The following ALG11 variants were observed in gnomAD, a reference collection of about 807,000 sequenced individuals.
ALG11 encodes the protein ALG11 alpha-1,2-mannosyltransferase.
ALG11 carries 26 observed loss-of-function variants against 38.8 expected under a neutral mutation model. The ratio of observed to expected loss-of-function variants is 0.67; its 90% CI spans 0.49 to 0.93. The LOEUF (loss-of-function observed/expected upper bound fraction) is 0.93, where lower values mean the gene tolerates loss of function less well. ALG11 is among the 40% of genes least tolerant of loss of function. The pLI, the probability that ALG11 is intolerant of heterozygous loss-of-function variation, is 0.00. For synonymous variants in ALG11, 199 were observed against 211.6 expected (o/e 0.94, Z 0.52); for missense variants, 535 against 578.8 (o/e 0.92, Z 0.78).
rs1260468124 is a variant in ALG11, at chr13:52,029,486, A to G, written c.*896A>G. 1 of 1,614,100 alleles carries G rather than the reference A, an allele frequency of 6.2e-7. No individual in the cohort carries two copies. The highest frequency in any genetic ancestry group is 2.2e-5 in the East Asian group (1 of 44,878). ...AAAGATGCACCGAGCAGAGCTTCAG[A>G]GGGCTCGGGCTCTGCAGTCCTACTA... On this transcript the variant is annotated 3_prime_UTR_variant, in exon 4 of 4. Transcript: ENST00000521508.
rs1443484104 is a variant in ALG11, at chr13:52,019,018, A to G, written c.150A>G (p.Lys50=). Residue 50 remains lysine (K), a synonymous_variant, in exon 2 of 4, where the codon AAA becomes AAG. Transcript: ENST00000521508. ...WGIRLLLQRK[K]KLVSTSKNGK... is the part of the protein sequence containing the mutation. Reference sequence around the variant, plus strand: ...TCAGACTGCTGCTACAGAGAAAGAAAAAATTAGTGTCAACTAGCAAAAATG... The same window carrying G: ...TCAGACTGCTGCTACAGAGAAAGAAGAAATTAGTGTCAACTAGCAAAAATG... 1.2e-6 allele frequency: 2 copies of G among 1,613,944 alleles called. No individual in the cohort carries two copies. The highest frequency in any genetic ancestry group is 1.7e-6 in the Non-Finnish European group (2 of 1,180,006).
At position 52,029,318 on chromosome 13, in the gene ALG11, C is replaced by T. The variant is rs1401193223; in HGVS notation, c.*728C>T. On this transcript the variant is annotated 3_prime_UTR_variant, in exon 4 of 4. Coordinates refer to ENST00000521508, the MANE Select transcript of ALG11 (RefSeq NM_001004127.3). ...GCAGCCAGCCATTGCTCCCATTGAA[C>T]ATGCGCTCAGTGGCTGGAAGGCAAG... 5 of 1,614,048 alleles carry T rather than the reference C, an allele frequency of 3.1e-6. No individual in the cohort carries two copies. Among genetic ancestry groups the T allele is most frequent in the Non-Finnish European group, 3.4e-6 (4 of 1,180,036 alleles).
At position 52,028,458 on chromosome 13, in the gene ALG11, C is replaced by T. The variant is rs758597975; in HGVS notation, c.1347C>T (p.Ile449=). 11 of 1,614,036 alleles carry T rather than the reference C, an allele frequency of 6.8e-6. No homozygotes were observed. The highest frequency in any genetic ancestry group is 3.3e-5 in the South Asian group (3 of 91,080). ...GTGAAGAAGACTATGCTGAAACTAT[C>T]GCTCACATTCTTTCCATGTCTGCAG... The part of the protein sequence containing the change: ...AESEEDYAET[I]AHILSMSAEK... The change falls in exon 4 of 4, where the codon ATC becomes ATT. Residue 449 remains isoleucine, a synonymous_variant. Coordinates refer to ENST00000521508, the MANE Select transcript of ALG11 (RefSeq NM_001004127.3).
intron 1 of ALG11, among the ~76,000 whole-genome samples, chr13:52,014,463 G>A (rs1037748268): frequency 2.0e-5 from 3 of 151,886 alleles, no homozygotes; most frequent in Non-Finnish European, 2.9e-5. Context: ...TAAACCACTG[G>A]TTCTCAACCA....
chr13:52,028,999 G>A lies in ALG11; in HGVS notation c.*409G>A. Reference sequence around the variant, plus strand: ...GGCGGAAATTGGCTGAGAGGTCTGAGGCTAGTCTGAAAGTGTCAGAGTTCA... The same window carrying A: ...GGCGGAAATTGGCTGAGAGGTCTGAAGCTAGTCTGAAAGTGTCAGAGTTCA... On this transcript the variant is annotated 3_prime_UTR_variant, in exon 4 of 4. Transcript: ENST00000521508. 1.2e-6 allele frequency: 2 copies of A among 1,614,264 alleles called. No homozygotes were observed. Among genetic ancestry groups the A allele is most frequent in the Non-Finnish European group, 1.7e-6 (2 of 1,180,048 alleles).
At chr13:52,023,924 A>T in intron 2 of ALG11, 82 bp from the exon 3 acceptor site, 3 of 1,263,868 alleles carry the variant, frequency 2.4e-6, no homozygotes, top group Non-Finnish European at 3.4e-6. Context: ...CCTCCTGAGT[A>T]GCTGGGATTA....
At chr13:52,026,162 C>T (rs1954238612) in intron 3 of ALG11, among the ~76,000 whole-genome samples, 1 of 152,192 alleles carries the variant, frequency 6.6e-6, no homozygotes, top group African/African-American at 2.4e-5. Context: ...AAACCTAACA[C>T]AGACTTGTGC....
chr13:52,019,277 A>C, intron 2 of ALG11, 134 bp downstream of exon 2: 1 of 793,514 alleles, frequency 1.3e-6, no homozygotes, highest in Non-Finnish European at 1.9e-6. Context: ...GCTGGAGTGC[A>C]GTGGCACGAT....
intron 3 of ALG11, 72 bp downstream of exon 3, chr13:52,025,009 A>G (rs1954227477): frequency 6.8e-7 from 1 of 1,476,712 alleles, no homozygotes; most frequent in Admixed American, 1.7e-5. Context: ...ATAAAATGAT[A>G]ATACTCTGGA....
intron 1 of ALG11, chr13:52,016,549 T>C (rs1282094338): frequency 6.6e-6 from 1 of 152,200 alleles, no homozygotes; most frequent in African/African-American, 2.4e-5. Context: ...GTACCCTGTG[T>C]CCCAGCTGCT....
chr13:52,032,846 C>G lies in ALG11; in HGVS notation c.*4256C>G, dbSNP rs566375880. ...TTAAATCTAAAGAATTTAGTAGATTCCTTCAGTGTCACAAAGCTGTTTCAT... is the reference window on the plus strand; with the variant it reads ...TTAAATCTAAAGAATTTAGTAGATTGCTTCAGTGTCACAAAGCTGTTTCAT... On this transcript the variant is annotated 3_prime_UTR_variant, in exon 4 of 4. Transcript: ENST00000521508. 1.2e-5 allele frequency: 2 copies of G among 167,134 alleles called. No individual in the cohort carries two copies. Among genetic ancestry groups the G allele is most frequent in the African/African-American group, 2.4e-5 (1 of 41,558 alleles). The allele number at this position is 167,134 out of a possible 1,614,324, so 10.4% of individuals were successfully genotyped here. A position where few individuals can be genotyped will look rare whatever the true frequency, so the allele number is the denominator to read the frequency against.
chr13:52,016,371 G>A (rs1239608940), intron 1 of ALG11: 2 of 152,204 alleles, frequency 1.3e-5, no homozygotes, highest in Non-Finnish European at 2.9e-5. Context: ...TTCAAAAGTA[G>A]CAAGGAGCCT....
In ALG11 at chr13:52,028,856, C is replaced by G; in HGVS notation, c.*266C>G. 6.2e-7 allele frequency: 1 copy of G among 1,614,174 alleles called. No homozygotes were observed. Among genetic ancestry groups the G allele is most frequent in the Non-Finnish European group, 8.5e-7 (1 of 1,180,040 alleles). The stretch of plus-strand genomic sequence containing the variant: ...TCTGGCTTTGAGCCACCAGGAAGAA[C>G]TAGTGGATTTGCCAAAAAACTACCC... On this transcript the variant is annotated 3_prime_UTR_variant, in exon 4 of 4. Coordinates refer to ENST00000521508, the MANE Select transcript of ALG11 (RefSeq NM_001004127.3).
intron 2 of ALG11, among the ~76,000 whole-genome samples, chr13:52,019,735 G>GT (rs764255501): frequency 6.6e-6 from 1 of 152,164 alleles, no homozygotes; most frequent in Non-Finnish European, 1.5e-5. Flanking sequence ...GAGCCCAAGA[G>GT]TTTGAGACCA....
chr13:52,017,682 A>T (rs1954145867), intron 1 of ALG11: 1 of 156,492 alleles, frequency 6.4e-6, no homozygotes, highest in Admixed American at 6.5e-5. Flanking sequence ...AGCCATATGG[A>T]ACTGTAAGTC....
intron 2 of ALG11, 71 bp downstream of exon 2, chr13:52,019,214 ATCT>A: frequency 1.5e-5 from 14 of 923,214 alleles, no homozygotes; most frequent in Non-Finnish European, 2.2e-5. Flanking sequence ...CCAGAAATTC[ATCT>A]TTTTTTTTTT....
intron 2 of ALG11, chr13:52,022,927 T>G (rs2140836943): frequency 6.6e-6 from 1 of 152,368 alleles, no homozygotes; most frequent in South Asian, 2.1e-4. Flanking sequence ...CCTCCCAAAG[T>G]GCTGGGATTA....
Position 52,029,282 on chromosome 13 carries a change from CT to C in ALG11, c.*693del, listed in dbSNP as rs1954272993. The C allele has an allele frequency of 6.2e-7, 1 of 1,614,164 alleles. No homozygotes were observed. ...GCAGGCAGAGCAGCTGGTTTTTCCC[CT>C]GGGGAAGGAGCAGCCAGCCATTGCT... is the stretch of plus-strand genomic sequence containing the variant. On this transcript the variant is annotated 3_prime_UTR_variant, in exon 4 of 4. Transcript: ENST00000521508.
Position 52,029,110 on chromosome 13 carries a change from A to G in ALG11, c.*520A>G. On this transcript the variant is annotated 3_prime_UTR_variant, in exon 4 of 4. Transcript: ENST00000521508. ...AAACTTCATCTTCTTTGGCCACTGTAAAAAAGCAACTGAATAGAGTCAAAT... is the reference window on the plus strand; with the variant it reads ...AAACTTCATCTTCTTTGGCCACTGTGAAAAAGCAACTGAATAGAGTCAAAT... 2.5e-6 allele frequency: 4 copies of G among 1,614,216 alleles called. No homozygotes were observed. Among genetic ancestry groups the G allele is most frequent in the South Asian group, 1.1e-5 (1 of 91,086 alleles).
Sources: allele counts gnomAD v4.1 joint callset (sites outside exome capture counted in the v4.1 genomes callset), GRCh38; gene constraint gnomAD v4.1.1; transcripts MANE v1.5; gene names NCBI Gene and HGNC (gene_info 2026-07-23, HGNC 2026-07-21).